Variants in ADAMDEC1 observed in about 807,000 individuals in gnomAD.
ADAMDEC1 encodes ADAM DEC1.
In ADAMDEC1, 62 loss-of-function variants were observed where a neutral mutation model predicts 60.4. The ratio of observed to expected loss-of-function variants is 1.03; its 90% confidence interval spans 0.84 to 1.27. ADAMDEC1 has a LOEUF of 1.27. ADAMDEC1 is among the 50% of genes most tolerant of loss of function. The pLI, the probability that ADAMDEC1 is intolerant of heterozygous loss-of-function variation, is 0.00. For synonymous variants in ADAMDEC1, 210 were observed against 195.1 expected (o/e 1.08, Z -0.64); for missense variants, 595 against 565.0 (o/e 1.05, Z -0.54).
In ADAMDEC1 at chr8:24,398,527, T is replaced by A; in HGVS notation, c.738T>A (p.Phe246Leu). 2 of 1,603,116 alleles carry A rather than the reference T, an allele frequency of 1.2e-6. No homozygotes were observed. Among genetic ancestry groups the A allele is most frequent in the Non-Finnish European group, 1.7e-6 (2 of 1,172,794 alleles). Residue 246 changes from phenylalanine to leucine, a missense_variant, in exon 8 of 14, where the codon TTT (phenylalanine) becomes TTA (leucine). By Grantham distance (22) the Phe-to-Leu change is conservative. Transcript: ENST00000256412. ...TAACTCTGATAAGAAGCTTTGTGTTTGATGTGATGAACCTACTCAATGTGG... is the reference window on the plus strand; with the variant it reads ...TAACTCTGATAAGAAGCTTTGTGTTAGATGTGATGAACCTACTCAATGTGG... ...ENLTLIRSFV[F>L]DVMNLLNVIY... is the part of the protein sequence containing the mutation.
chr8:24,392,078 A>C (rs1817458762), intron 1 of ADAMDEC1, among the ~76,000 whole-genome samples, 184 bp from the exon 2 acceptor site: 1 of 152,134 alleles, frequency 6.6e-6, no homozygotes, highest in Non-Finnish European at 1.5e-5. Context: ...AGAGCAAAAA[A>C]AAAAAATCCT....
At chr8:24,401,378 CCAAT>C (rs1297175541) in intron 11 of ADAMDEC1, among the ~76,000 whole-genome samples, 1 of 152,134 alleles carries the variant, frequency 6.6e-6, no homozygotes, top group Non-Finnish European at 1.5e-5. Context: ...CATCAATCAA[CCAAT>C]CAATCTGTTT....
At chr8:24,397,157 T>G in intron 5 of ADAMDEC1, 113 bp from the exon 6 acceptor site, 1 of 948,360 alleles carries the variant, frequency 1.1e-6, no homozygotes, top group Non-Finnish European at 1.6e-6. Flanking sequence ...GGTCTATGAA[T>G]GACAAGGCTA....
intron 5 of ADAMDEC1, 110 bp from the exon 6 acceptor site, chr8:24,397,160 C>A (rs918620762): frequency 1.2e-5 from 12 of 971,650 alleles, no homozygotes; most frequent in Non-Finnish European, 1.7e-5. Flanking sequence ...CTATGAATGA[C>A]AAGGCTATGT....
chr8:24,404,187 A>G, intron 13 of ADAMDEC1, 99 bp downstream of exon 13: 3 of 990,136 alleles, frequency 3.0e-6, no homozygotes, highest in Non-Finnish European at 4.5e-6. Flanking sequence ...CTAAAACACA[A>G]TGTATTTTAT....
At chr8:24,393,644 A>C (rs1817507309) in intron 3 of ADAMDEC1, among the ~76,000 whole-genome samples, 1 of 152,198 alleles carries the variant, frequency 6.6e-6, no homozygotes. Flanking sequence ...ATATGTGTCC[A>C]AGGCTGATTC....
At chr8:24,397,857 C>A in intron 7 of ADAMDEC1, 112 bp downstream of exon 7, 1 of 990,166 alleles carries the variant, frequency 1.0e-6, no homozygotes, top group African/African-American at 1.6e-5. Context: ...ATTTGTCCAC[C>A]TGGGTGTCTT....
At position 24,397,748 on chromosome 8, in the gene ADAMDEC1, G is replaced by T. The variant is rs1450959921; in HGVS notation, c.690+3G>T. 6.2e-7 allele frequency: 1 copy of T among 1,612,442 alleles called. No individual in the cohort carries two copies. The highest frequency in any genetic ancestry group is 8.5e-7 in the Non-Finnish European group (1 of 1,179,290). Reference sequence around the variant, plus strand: ...ATTTGGTGCTGGATAATGCCTTTGTGAGTATGAAACACACGGCCCTCTCGG... The same window carrying T: ...ATTTGGTGCTGGATAATGCCTTTGTTAGTATGAAACACACGGCCCTCTCGG... On this transcript the variant is annotated splice_donor_region_variant and intron_variant, in intron 7 of 13. Coordinates refer to ENST00000256412, the MANE Select transcript of ADAMDEC1 (RefSeq NM_014479.3).
At position 24,402,033 on chromosome 8, in the gene ADAMDEC1, C is replaced by T. The variant is rs143693498; in HGVS notation, c.1261C>T (p.Pro421Ser). The change falls in exon 12 of 14, where the codon CCA (proline) becomes TCA (serine). Residue 421 changes from proline (P) to serine (S), a missense_variant. Physicochemically the swap from Pro to Ser is moderately conservative, Grantham distance 74. Transcript: ENST00000256412. ...APIPTNIMTTPVCGNHLLEVG... is the reference protein window; with the variant it reads ...APIPTNIMTTSVCGNHLLEVG... Reference sequence around the variant, plus strand: ...TATTCCTACAAATATAATGACAACACCAGTGTGTGGGAACCACCTTCTAGA... The same window carrying T: ...TATTCCTACAAATATAATGACAACATCAGTGTGTGGGAACCACCTTCTAGA... The T allele has an allele frequency of 5.3e-3, 8,552 of 1,613,074 alleles. 42 individuals are homozygous for T. The highest frequency in any genetic ancestry group is 6.8e-3 in the Non-Finnish European group (8,028 of 1,179,282).
chr8:24,401,825 G>C, intron 11 of ADAMDEC1, 90 bp from the exon 12 acceptor site: 1 of 1,130,582 alleles, frequency 8.8e-7, no homozygotes, highest in South Asian at 1.6e-5. Context: ...AGATAAATCA[G>C]AGTCTCGTGT....
chr8:24,392,886 G>GTTTTTTTTTT lies in ADAMDEC1; in HGVS notation c.208-359_208-350dup, dbSNP rs34415946. On this transcript the variant is annotated intron_variant, in intron 2 of 13. Transcript: ENST00000256412. ...TACCTAATTCTTAGTGGGTTGAGAG[G>GTTTTTTTTTT]TTTTTTTTTTTTTTTTTTTTTTTTT... 9.9e-5 allele frequency among the ~76,000 whole-genome samples: 5 copies of GTTTTTTTTTT among 50,382 alleles called. 1 individual carries two copies. Among genetic ancestry groups the GTTTTTTTTTT allele is most frequent in the Non-Finnish European group, 1.7e-4 (4 of 24,132 alleles). The allele number at this position is 50,382 out of a possible 152,430, so 33.1% of individuals were successfully genotyped here.
At chr8:24,395,598 C>G (rs1817584682) in intron 4 of ADAMDEC1, 122 bp from the exon 5 acceptor site, 3 of 647,036 alleles carry the variant, frequency 4.6e-6, no homozygotes. Flanking sequence ...TTTACATATT[C>G]AAGATGGTAG....
intron 5 of ADAMDEC1, among the ~76,000 whole-genome samples, chr8:24,396,846 T>C (rs936685138): frequency 6.6e-6 from 1 of 152,222 alleles, no homozygotes; most frequent in Non-Finnish European, 1.5e-5. Context: ...TTTAAGCTAC[T>C]TCTAATCCCA....
chr8:24,402,320 T>TTAAC (rs1817786382), intron 12 of ADAMDEC1, among the ~76,000 whole-genome samples: 2 of 152,130 alleles, frequency 1.3e-5, no homozygotes, highest in Admixed American at 6.6e-5. Flanking sequence ...AAGTAAATTG[T>TTAAC]TAACTATAAC....
At chr8:24,397,780 C>T (rs1280700090) in intron 7 of ADAMDEC1, 35 bp downstream of exon 7, 1 of 1,587,254 alleles carries the variant, frequency 6.3e-7, no homozygotes, top group Non-Finnish European at 8.6e-7. Flanking sequence ...TCGGCCAGTT[C>T]AGTCACCCTT....
chr8:24,399,150 T>C, intron 9 of ADAMDEC1, 110 bp downstream of exon 9: 1 of 1,293,310 alleles, frequency 7.7e-7, no homozygotes, highest in Non-Finnish European at 1.1e-6. Context: ...GTCAGAGTGC[T>C]TGACATTTTA....
chr8:24,392,646 GC>G (rs1392732986), intron 2 of ADAMDEC1, among the ~76,000 whole-genome samples: 1 of 152,162 alleles, frequency 6.6e-6, no homozygotes, highest in Non-Finnish European at 1.5e-5. Flanking sequence ...GAGGAGAGAA[GC>G]CCGGGAAGGT....
rs530998221 is a variant in ADAMDEC1 at position 24,396,454 on chromosome 8, A to G, written c.440+658A>G. Among the ~76,000 whole-genome samples the G allele has an allele frequency of 1.2e-4, 19 of 152,204 alleles. No homozygotes were observed. The South Asian group carries it at 2.1e-3, about 17-fold the overall frequency. On this transcript the variant is annotated intron_variant, in intron 5 of 13. Transcript: ENST00000256412. The stretch of plus-strand genomic sequence containing the variant: ...ATGAACCCAGGAGGCGGAGCTTGCA[A>G]TGAGCCAAGATAGCTCCACTGCACT...
At position 24,401,905 on chromosome 8, in the gene ADAMDEC1, C is replaced by T. The variant is rs750904995; in HGVS notation, c.1143-10C>T. The T allele has an allele frequency of 1.2e-6, 2 of 1,600,008 alleles. No individual in the cohort carries two copies. Among genetic ancestry groups the T allele is most frequent in the Non-Finnish European group, 1.7e-6 (2 of 1,175,188 alleles). On this transcript the variant is annotated splice_polypyrimidine_tract_variant and intron_variant, in intron 11 of 13. Coordinates refer to ENST00000256412, the MANE Select transcript of ADAMDEC1 (RefSeq NM_014479.3). The stretch of plus-strand genomic sequence containing the variant: ...TATATCATATTATTTGAGTTTTCTT[C>T]TGATTACAGTTCAAAATTCCCAAAG...
Sources: gnomAD v4.1 joint callset for allele counts (sites outside exome capture counted in the v4.1 genomes callset) on GRCh38, gnomAD v4.1.1 for gene constraint, MANE v1.5 for transcripts, NCBI Gene and HGNC (gene_info 2026-07-23, HGNC 2026-07-21) for gene names.